ERBIN: variants seen among roughly 807,000 people sequenced by gnomAD.
The protein encoded by ERBIN is densin-180-like protein.
A neutral mutation model predicts 158.4 loss-of-function variants in ERBIN; 60 were observed. The ratio of observed to expected loss-of-function variants is 0.38; its 90% CI spans 0.31 to 0.47. The LOEUF (loss-of-function observed/expected upper bound fraction) is 0.47. Among genes scored for constraint, ERBIN ranks in the 20% least tolerant of loss-of-function variants. ERBIN has a pLI of 0.99. For synonymous variants in ERBIN, 594 were observed against 557.2 expected, an observed-to-expected ratio of 1.07 and a Z score of -0.93; for missense variants, 1,610 against 1,648.0, an observed-to-expected ratio of 0.98 and a Z score of 0.40.
rs1373718684 is a variant in ERBIN at position 65,999,547 on chromosome 5, T to A, written c.307+4683T>A. Reference sequence around the variant, plus strand: ...TCACAATTCCCCTGTTGCCTAATAATGCTCTTTTAAACTCTTTAGGCCCCT... The same window carrying A: ...TCACAATTCCCCTGTTGCCTAATAAAGCTCTTTTAAACTCTTTAGGCCCCT... On this transcript the variant is annotated intron_variant, in intron 4 of 25. Coordinates refer to ENST00000284037, the MANE Select transcript of ERBIN (RefSeq NM_001253697.2). Among the ~76,000 whole-genome samples the A allele has an allele frequency of 3.3e-5, 5 of 152,210 alleles. 1 individual carries two copies. The highest frequency in any genetic ancestry group is 7.3e-5 in the Non-Finnish European group (5 of 68,038).
intron 10 of ERBIN, 144 bp downstream of exon 10, chr5:66,024,594 G>T (rs990323919): frequency 1.4e-6 from 1 of 722,136 alleles, no homozygotes. Flanking sequence ...GGTGTGATCA[G>T]TTGTACAGTT....
chr5:65,949,938 C>T (rs1281636865), intron 1 of ERBIN, among the ~76,000 whole-genome samples: 5 of 152,182 alleles, frequency 3.3e-5, no homozygotes, highest in Middle Eastern at 3.2e-3. Flanking sequence ...TCCCAAGGTG[C>T]TGGGATTACA....
chr5:65,994,798 T>G lies in ERBIN; in HGVS notation c.241T>G (p.Leu81Val), dbSNP rs1371850597. 1 of 1,609,434 alleles carries G rather than the reference T, an allele frequency of 6.2e-7. No homozygotes were observed. Among genetic ancestry groups the G allele is most frequent in the Non-Finnish European group, 8.5e-7 (1 of 1,178,716 alleles). The change falls in exon 4 of 26, where the codon TTA becomes GTA. Residue 81 changes from leucine to valine, a missense_variant. This residue lies in a region of ERBIN where 596 missense variants were observed against 711.9 expected (regional missense o/e 0.84). Coordinates refer to ENST00000284037, the MANE Select transcript of ERBIN (RefSeq NM_001253697.2). ...LHKLSLPDND[L>V]TTLPASIANL... ...CAAACTGAGTTTGCCAGACAATGAT[T>G]TAACAACGTTACCAGCATCCATTGC...
At chr5:66,059,573 T>C (rs1187972612) in intron 21 of ERBIN, among the ~76,000 whole-genome samples, 3 of 152,228 alleles carry the variant, frequency 2.0e-5, no homozygotes, top group Non-Finnish European at 4.4e-5. Flanking sequence ...TCCAACACTA[T>C]GTTGAATAGG....
Position 66,050,661 on chromosome 5 carries a change from A to G in ERBIN, c.1904-122A>G, listed in dbSNP as rs1047868522. 1.2e-5 allele frequency: 6 copies of G among 505,598 alleles called. No homozygotes were observed. The African/African-American group carries it at 1.2e-4, about 10-fold the overall frequency. The allele number at this position is 505,598 out of a possible 1,614,324, so 31.3% of individuals were successfully genotyped here. ...ATTTTCAGGGGTGCTTCCAATTATC[A>G]ATATAATTTATTACCTCATATATAG... On this transcript the variant is annotated intron_variant, in intron 19 of 25. Transcript: ENST00000284037.
intron 1 of ERBIN, among the ~76,000 whole-genome samples, chr5:65,963,286 ATATTAAATTGGCAACT>A (rs1748124486): frequency 6.6e-6 from 1 of 152,212 alleles, no homozygotes; most frequent in African/African-American, 2.4e-5. Context: ...TAACTGAGTA[ATATTAAATTGGCAACT>A]TTGAGGTAGG....
At chr5:65,994,129 C>G (rs1260133259) in intron 3 of ERBIN, among the ~76,000 whole-genome samples, 1 of 152,066 alleles carries the variant, frequency 6.6e-6, no homozygotes, top group African/African-American at 2.4e-5. Flanking sequence ...GGTTGTTGGT[C>G]TCATGTTTAT....
At chr5:65,980,517 G>A (rs1169035133) in intron 1 of ERBIN, among the ~76,000 whole-genome samples, 1 of 152,140 alleles carries the variant, frequency 6.6e-6, no homozygotes, top group African/African-American at 2.4e-5. Context: ...AAAGATCTAA[G>A]CCCACCATTA....
chr5:65,996,243 AG>A (rs1752418744), intron 4 of ERBIN, among the ~76,000 whole-genome samples: 1 of 52,084 alleles, frequency 1.9e-5, no homozygotes, highest in Non-Finnish European at 3.8e-5. Context: ...TTTTCCTAGT[AG>A]TTTTTTTTTT....
intron 1 of ERBIN, among the ~76,000 whole-genome samples, chr5:65,977,955 T>C (rs958695635): frequency 7.8e-5 from 2 of 25,508 alleles, no homozygotes; most frequent in Non-Finnish European, 2.0e-4. Context: ...AGGGAGAGGG[T>C]TAGGGGAGAG....
At chr5:66,006,440 C>T (rs1209091096) in intron 4 of ERBIN, among the ~76,000 whole-genome samples, 6 of 152,144 alleles carry the variant, frequency 3.9e-5, no homozygotes, top group Admixed American at 6.5e-5. Context: ...CATAAAAACC[C>T]TAGAAGAAAA....
intron 14 of ERBIN, among the ~76,000 whole-genome samples, chr5:66,030,292 T>A (rs1308345250): frequency 6.6e-6 from 1 of 152,172 alleles, no homozygotes; most frequent in African/African-American, 2.4e-5. Context: ...TCCGCCTGCT[T>A]CGGCCTCCCA....
intron 1 of ERBIN, among the ~76,000 whole-genome samples, chr5:65,936,227 T>G (rs1329173113): frequency 6.6e-6 from 1 of 152,136 alleles, no homozygotes; most frequent in East Asian, 1.9e-4. Context: ...GATCTAAAAA[T>G]GAATCTTGTT....
intron 1 of ERBIN, among the ~76,000 whole-genome samples, chr5:65,932,552 G>GGGACTTCCAGAGACTGT (rs1268201020): frequency 1.3e-4 from 20 of 152,120 alleles, no homozygotes; most frequent in Admixed American, 1.3e-3. Flanking sequence ...AAGTGTCTCA[G>GGGACTTCCAGAGACTGT]GGACTTCCAG....
At chr5:65,963,312 G>A (rs1748126908) in intron 1 of ERBIN, among the ~76,000 whole-genome samples, 1 of 152,102 alleles carries the variant, frequency 6.6e-6, no homozygotes, top group African/African-American at 2.4e-5. Flanking sequence ...TTTGAGGTAG[G>A]ATACAACCAA....
intron 21 of ERBIN, chr5:66,068,856 A>G (rs1429155397): frequency 6.6e-7 from 1 of 1,509,476 alleles, no homozygotes; most frequent in Non-Finnish European, 8.9e-7. Context: ...TCTCTGTTAA[A>G]TCTATCCCCT....
At chr5:66,007,756 A>C (rs1309132306) in intron 4 of ERBIN, among the ~76,000 whole-genome samples, 1 of 152,230 alleles carries the variant, frequency 6.6e-6, no homozygotes, top group African/African-American at 2.4e-5. Flanking sequence ...GTCTGATACT[A>C]ACACATTTGC....
intron 1 of ERBIN, among the ~76,000 whole-genome samples, chr5:65,982,773 A>G (rs1489112628): frequency 6.6e-6 from 1 of 152,258 alleles, no homozygotes; most frequent in African/African-American, 2.4e-5. Flanking sequence ...AGTTTTGAGT[A>G]GAATTAAATT....
intron 7 of ERBIN, among the ~76,000 whole-genome samples, chr5:66,020,214 G>A (rs80321845): frequency 1.3e-5 from 2 of 151,900 alleles, no homozygotes; most frequent in African/African-American, 2.4e-5. Flanking sequence ...GGGAAAATTC[G>A]CTTCTAATGT....
Sources: gnomAD v4.1 joint callset for allele counts (sites outside exome capture counted in the v4.1 genomes callset) on GRCh38, gnomAD v4.1.1 for gene constraint, gnomAD v4.1.1 regional missense constraint, MANE v1.5 for transcripts, NCBI Gene and HGNC (gene_info 2026-07-23, HGNC 2026-07-21) for gene names.